Variants in MAP2K1 observed in about 807,000 individuals in gnomAD.
The protein encoded by MAP2K1 is mitogen-activated protein kinase kinase 1.
In MAP2K1, 16 loss-of-function variants were observed where a neutral mutation model predicts 46.3. The ratio of observed to expected loss-of-function variants is 0.35; its 90% CI spans 0.23 to 0.52. MAP2K1 has a LOEUF of 0.52. MAP2K1 is among the 20% of genes least tolerant of loss of function. MAP2K1 has a pLI of 0.94. For missense variants in MAP2K1, 263 were observed against 497.1 expected (o/e 0.53, Z 4.48); for synonymous variants, 183 against 185.6 (o/e 0.99, Z 0.11).
intron 1 of MAP2K1, among the ~76,000 whole-genome samples, chr15:66,413,246 C>T (rs1002034858): frequency 7.9e-5 from 12 of 152,254 alleles, no homozygotes; most frequent in Non-Finnish European, 1.5e-4. Flanking sequence ...TTTACTGAAC[C>T]CTAAATATCC....
chr15:66,418,170 G>A (rs750518488), intron 1 of MAP2K1, among the ~76,000 whole-genome samples: 27 of 152,182 alleles, frequency 1.8e-4, no homozygotes, highest in Non-Finnish European at 3.7e-4. Flanking sequence ...TTTTGGGTAC[G>A]CTGTATGTAA....
chr15:66,403,655 A>T (rs1423376316), intron 1 of MAP2K1, among the ~76,000 whole-genome samples: 1 of 152,206 alleles, frequency 6.6e-6, no homozygotes, highest in Non-Finnish European at 1.5e-5. Context: ...GATTCAGGTT[A>T]AATTTAGAAA....
chr15:66,433,900 A>T (rs2093480826), intron 1 of MAP2K1, among the ~76,000 whole-genome samples: 1 of 152,202 alleles, frequency 6.6e-6, no homozygotes. Context: ...AGTGATGAAC[A>T]CTTTTCAGTT....
intron 1 of MAP2K1, among the ~76,000 whole-genome samples, chr15:66,397,164 C>T (rs1282474097): frequency 2.0e-5 from 3 of 151,748 alleles, no homozygotes; most frequent in Non-Finnish European, 4.4e-5. Flanking sequence ...GCCACCACGC[C>T]CGGCTAATTT....
intron 5 of MAP2K1, among the ~76,000 whole-genome samples, chr15:66,480,379 C>T (rs780155541): frequency 1.1e-4 from 16 of 152,224 alleles, no homozygotes; most frequent in East Asian, 9.7e-4. Flanking sequence ...TGTGAGGCAT[C>T]GCCCGGCTTT....
At chr15:66,437,768 T>C (rs776201816) in intron 3 of MAP2K1, among the ~76,000 whole-genome samples, 7 of 152,246 alleles carry the variant, frequency 4.6e-5, no homozygotes, top group Non-Finnish European at 1.0e-4. Context: ...CTGCATCCAC[T>C]GTTATAGGCA....
chr15:66,453,119 G>T (rs1002340214), intron 5 of MAP2K1, among the ~76,000 whole-genome samples: 1 of 152,176 alleles, frequency 6.6e-6, no homozygotes, highest in Non-Finnish European at 1.5e-5. Context: ...TCTGTACTAT[G>T]TACCTACTAT....
intron 5 of MAP2K1, among the ~76,000 whole-genome samples, chr15:66,470,782 G>A (rs751388280): frequency 2.0e-5 from 3 of 152,118 alleles, no homozygotes; most frequent in Non-Finnish European, 4.4e-5. Flanking sequence ...AACTGAGACA[G>A]GTCTCAGTTA....
intron 5 of MAP2K1, among the ~76,000 whole-genome samples, chr15:66,478,898 C>G (rs910743236): frequency 5.9e-5 from 9 of 152,168 alleles, no homozygotes; most frequent in African/African-American, 2.2e-4. Context: ...TGGTCAGTTT[C>G]TTGACTGCCC....
At chr15:66,445,492 C>G (rs1301508306) in intron 5 of MAP2K1, among the ~76,000 whole-genome samples, 1 of 152,184 alleles carries the variant, frequency 6.6e-6, no homozygotes, top group Non-Finnish European at 1.5e-5. Flanking sequence ...ACCATACCAT[C>G]TTAGGCATTT....
intron 1 of MAP2K1, among the ~76,000 whole-genome samples, chr15:66,395,978 C>T (rs1225328050): frequency 6.6e-6 from 1 of 152,098 alleles, no homozygotes; most frequent in Non-Finnish European, 1.5e-5. Context: ...GCTGTGGGGC[C>T]TAGAATAAAA....
chr15:66,406,845 A>G (rs1224651911), intron 1 of MAP2K1, among the ~76,000 whole-genome samples: 1 of 152,168 alleles, frequency 6.6e-6, no homozygotes. Context: ...AGCCTGACCA[A>G]CATGGAGAAA....
chr15:66,394,522 T>G (rs1448119545), intron 1 of MAP2K1, among the ~76,000 whole-genome samples: 1 of 150,946 alleles, frequency 6.6e-6, no homozygotes, highest in Non-Finnish European at 1.5e-5. Flanking sequence ...TGGAGTGCAT[T>G]GGTGCTCACT....
intron 6 of MAP2K1, among the ~76,000 whole-genome samples, chr15:66,484,348 A>G (rs1331612701): frequency 1.3e-5 from 2 of 151,272 alleles, no homozygotes; most frequent in Non-Finnish European, 2.9e-5. Context: ...GGGTTTCACT[A>G]TGTTGGCCAG....
intron 1 of MAP2K1, among the ~76,000 whole-genome samples, chr15:66,397,885 C>T (rs538745732): frequency 8.2e-4 from 125 of 152,210 alleles, no homozygotes; most frequent in Admixed American, 2.1e-3. Context: ...GTGCAGATCA[C>T]GAGCTCAGGA....
chr15:66,398,042 C>T (rs1278935240), intron 1 of MAP2K1, among the ~76,000 whole-genome samples: 4 of 151,260 alleles, frequency 2.6e-5, no homozygotes, highest in East Asian at 2.0e-4. Context: ...GCGGAGGTTG[C>T]AGTGAGCCAA....
chr15:66,469,224 C>G (rs375147563), intron 5 of MAP2K1, among the ~76,000 whole-genome samples: 1 of 152,116 alleles, frequency 6.6e-6, no homozygotes, highest in Admixed American at 6.5e-5. Flanking sequence ...CCATTGCACT[C>G]CAGCCTGGGC....
intron 5 of MAP2K1, among the ~76,000 whole-genome samples, chr15:66,467,069 T>TA (rs1394469502): frequency 1.3e-5 from 2 of 152,036 alleles, no homozygotes; most frequent in African/African-American, 4.8e-5. Flanking sequence ...AGCCTGTCTC[T>TA]ACAAAAATAC....
Position 66,429,672 on chromosome 15 carries a change from CCCCCCCGT to C in MAP2K1, c.81-5348_81-5341del, listed in dbSNP as rs1038227729. On this transcript the variant is annotated intron_variant, in intron 1 of 10. Transcript: ENST00000307102. ...TGGGTCTGCACTGCGGCGCCCCCCC[CCCCCCCGT>C]CCCCCCCAACACAGATGGGCTAGCC... Among the ~76,000 whole-genome samples the C allele has an allele frequency of 1.1e-4, 4 of 36,384 alleles. 1 individual carries two copies. The highest frequency in any genetic ancestry group is 2.6e-4 in the Non-Finnish European group (4 of 15,432). 23.9% of individuals were successfully genotyped at this position (36,384 alleles called of 152,430 possible).
Sources: allele counts gnomAD v4.1 joint callset (sites outside exome capture counted in the v4.1 genomes callset), GRCh38; gene constraint gnomAD v4.1.1; transcripts MANE v1.5; gene names NCBI Gene and HGNC (gene_info 2026-07-23, HGNC 2026-07-21).